CMSS1: variants seen among roughly 807,000 people sequenced by gnomAD.
CMSS1 encodes the protein cms1 ribosomal small subunit homolog.
CMSS1 carries 33 observed loss-of-function variants against 43.5 expected under a neutral mutation model. That is an observed-to-expected ratio of 0.76 (90% CI 0.57 to 1.01). The LOEUF (loss-of-function observed/expected upper bound fraction) is 1.01. CMSS1 is among the 50% of genes least tolerant of loss of function. The pLI, the probability that CMSS1 is intolerant of heterozygous loss-of-function variation, is 0.00. For missense variants in CMSS1, 313 were observed against 326.4 expected, an observed-to-expected ratio of 0.96 and a Z score of 0.32; for synonymous variants, 115 against 117.2, an observed-to-expected ratio of 0.98 and a Z score of 0.12.
At chr3:99,935,863 A>G (rs1241015954) in intron 1 of CMSS1, among the ~76,000 whole-genome samples, 2 of 152,238 alleles carry the variant, frequency 1.3e-5, no homozygotes, top group Non-Finnish European at 2.9e-5. Flanking sequence ...GGATGTGTCC[A>G]TGCAAGAGGA....
In CMSS1 at chr3:100,181,700, A is replaced by G. The variant is rs967178760; in HGVS notation, c.*3312A>G. The G allele has an allele frequency of 6.6e-6, 1 of 152,154 alleles. No individual in the cohort carries two copies. Among genetic ancestry groups the G allele is most frequent in the African/African-American group, 2.4e-5 (1 of 41,416 alleles). 9.4% of individuals were successfully genotyped at this position (152,154 alleles called of 1,614,324 possible). Reference sequence around the variant, plus strand: ...TGGATTTGTCTGTAATGTTCTCATGATTTGATTAAAGTTATGCATTTTTTG... The same window carrying G: ...TGGATTTGTCTGTAATGTTCTCATGGTTTGATTAAAGTTATGCATTTTTTG... On this transcript the variant is annotated 3_prime_UTR_variant, in exon 10 of 10. Coordinates refer to ENST00000421999, the MANE Select transcript of CMSS1 (RefSeq NM_032359.4).
At chr3:99,851,065 T>C (rs1559659271) in intron 1 of CMSS1, 1 of 1,577,180 alleles carries the variant, frequency 6.3e-7, no homozygotes, top group Non-Finnish European at 8.6e-7. Context: ...AATTAGCTTC[T>C]TTAATCTGAA....
intron 8 of CMSS1, among the ~76,000 whole-genome samples, chr3:100,173,920 A>G (rs2067129196): frequency 6.6e-6 from 1 of 152,220 alleles, no homozygotes; most frequent in Non-Finnish European, 1.5e-5. Flanking sequence ...TGTGCGAACA[A>G]CAGGGATAGT....
At chr3:99,990,948 T>C (rs1709492388) in intron 1 of CMSS1, among the ~76,000 whole-genome samples, 1 of 152,118 alleles carries the variant, frequency 6.6e-6, no homozygotes, top group Admixed American at 6.5e-5. Flanking sequence ...GCTTAAACTT[T>C]GGTTGGAAAT....
intron 1 of CMSS1, among the ~76,000 whole-genome samples, chr3:100,133,075 T>C (rs1183938460): frequency 2.6e-5 from 4 of 152,126 alleles, no homozygotes; most frequent in Non-Finnish European, 2.9e-5. Context: ...ATGCAATTTT[T>C]CTTCTAGAAA....
intron 1 of CMSS1, among the ~76,000 whole-genome samples, chr3:99,945,009 G>A (rs1170299749): frequency 6.6e-6 from 1 of 152,168 alleles, no homozygotes; most frequent in Non-Finnish European, 1.5e-5. Context: ...TTGTTATAAA[G>A]CAGGAGCTTA....
At chr3:100,055,480 T>A (rs1198157667) in intron 1 of CMSS1, among the ~76,000 whole-genome samples, 1 of 152,218 alleles carries the variant, frequency 6.6e-6, no homozygotes, top group Non-Finnish European at 1.5e-5. Context: ...TTGTCTCTCG[T>A]TAAGTATTTG....
intron 1 of CMSS1, among the ~76,000 whole-genome samples, chr3:99,940,948 T>C (rs544111579): frequency 1.3e-5 from 2 of 152,346 alleles, no homozygotes; most frequent in South Asian, 4.1e-4. Flanking sequence ...TTGCAACTCT[T>C]AAAGCGCCTT....
intron 1 of CMSS1, among the ~76,000 whole-genome samples, chr3:100,087,487 G>T (rs1354947855): frequency 6.6e-6 from 1 of 152,094 alleles, no homozygotes; most frequent in Non-Finnish European, 1.5e-5. Context: ...AATGACTAAT[G>T]GTGTTGAGCA....
At chr3:100,098,435 A>G (rs942875087) in intron 1 of CMSS1, among the ~76,000 whole-genome samples, 1 of 152,226 alleles carries the variant, frequency 6.6e-6, no homozygotes, top group Non-Finnish European at 1.5e-5. Flanking sequence ...GCTACCTCAC[A>G]GGATTCTTGA....
intron 1 of CMSS1, among the ~76,000 whole-genome samples, chr3:99,903,066 G>A (rs1392588352): frequency 6.6e-6 from 1 of 151,944 alleles, no homozygotes; most frequent in Non-Finnish European, 1.5e-5. Context: ...TTATACTTTT[G>A]TGTCCCTAGG....
intron 2 of CMSS1, 77 bp downstream of exon 2, chr3:100,147,138 A>G (rs777581733): frequency 3.8e-4 from 558 of 1,470,240 alleles, no homozygotes; most frequent in Middle Eastern, 5.3e-4. Flanking sequence ...TGAACTCCCC[A>G]TGTCCTAATA....
chr3:100,030,495 A>G (rs2065005443), intron 1 of CMSS1, among the ~76,000 whole-genome samples: 1 of 152,174 alleles, frequency 6.6e-6, no homozygotes, highest in African/African-American at 2.4e-5. Context: ...GCTCATTCTC[A>G]TTCATGCATG....
intron 1 of CMSS1, among the ~76,000 whole-genome samples, chr3:99,924,579 C>T (rs1253120449): frequency 6.6e-6 from 1 of 152,118 alleles, no homozygotes; most frequent in East Asian, 1.9e-4. Flanking sequence ...AGTGCAATGG[C>T]GCGATCTCGA....
At chr3:100,155,679 G>A (rs901337999) in intron 2 of CMSS1, among the ~76,000 whole-genome samples, 6 of 152,100 alleles carry the variant, frequency 3.9e-5, no homozygotes, top group Non-Finnish European at 8.8e-5. Flanking sequence ...ACAGCCTTCA[G>A]TATCTGCAGG....
intron 1 of CMSS1, among the ~76,000 whole-genome samples, chr3:99,975,080 A>G (rs1708930126): frequency 6.6e-6 from 1 of 152,232 alleles, no homozygotes; most frequent in Non-Finnish European, 1.5e-5. Context: ...TATACTGAGC[A>G]TCTTAGATTA....
chr3:99,878,211 T>C (rs1159566289), intron 1 of CMSS1, among the ~76,000 whole-genome samples: 1 of 152,230 alleles, frequency 6.6e-6, no homozygotes, highest in African/African-American at 2.4e-5. Context: ...CATAGTTATG[T>C]GACCACTGTC....
At chr3:100,079,714 G>A (rs1012877699) in intron 1 of CMSS1, among the ~76,000 whole-genome samples, 2 of 151,896 alleles carry the variant, frequency 1.3e-5, no homozygotes, top group African/African-American at 4.8e-5. Context: ...TTAGGTACCT[G>A]TATTCACACT....
intron 1 of CMSS1, among the ~76,000 whole-genome samples, chr3:99,903,075 G>A (rs1270396001): frequency 6.6e-6 from 1 of 151,942 alleles, no homozygotes; most frequent in African/African-American, 2.4e-5. Context: ...TGTGTCCCTA[G>A]GTACCTTATT....
Sources: gnomAD v4.1 joint callset for allele counts (sites outside exome capture counted in the v4.1 genomes callset) on GRCh38, gnomAD v4.1.1 for gene constraint, MANE v1.5 for transcripts, NCBI Gene and HGNC (gene_info 2026-07-23, HGNC 2026-07-21) for gene names.